ZNF433: variants seen among roughly 807,000 people sequenced by gnomAD.
The protein encoded by ZNF433 is zinc finger protein 433.
In ZNF433, 12 loss-of-function variants were observed where a neutral mutation model predicts 10.6. The observed-to-expected ratio is 1.13, with a 90% CI of 0.72 to 1.83. The LOEUF is 1.83. ZNF433 is among the 40% of genes most tolerant of loss of function. The pLI is 0.00. For synonymous variants in ZNF433, 272 were observed against 271.3 expected, an observed-to-expected ratio of 1.00 and a Z score of -0.02; for missense variants, 737 against 798.0, an observed-to-expected ratio of 0.92 and a Z score of 0.92.
chr19:12,035,660 G>C lies in ZNF433; in HGVS notation c.-121C>G. The C allele has an allele frequency of 7.2e-7, 1 of 1,389,252 alleles. No individual in the cohort carries two copies. 86.1% of individuals were successfully genotyped at this position (1,389,252 alleles called of 1,614,324 possible). A position where few individuals can be genotyped will look rare whatever the true frequency, so the allele number is the denominator to read the frequency against. The stretch of plus-strand genomic sequence containing the variant: ...GCCAGGCTCCCAACCTCAGCTCGCC[G>C]CCTGGAGCCGGGAACCGAGGAGAGC... On this transcript the variant is annotated 5_prime_UTR_variant, in exon 1 of 4. Coordinates refer to ENST00000550507, the MANE Select transcript of ZNF433 (RefSeq NM_001308348.2).
At chr19:12,032,455 T>C (rs1975080812) in intron 1 of ZNF433, among the ~76,000 whole-genome samples, 1 of 151,576 alleles carries the variant, frequency 6.6e-6, no homozygotes, top group African/African-American at 2.4e-5. Context: ...AAAAAACATA[T>C]TAAGAAATGG....
At chr19:12,019,932 TAATA>T (rs148419899) in intron 1 of ZNF433, among the ~76,000 whole-genome samples, 2,934 of 152,192 alleles carry the variant, frequency 0.019, 82 homozygotes, top group African/African-American at 0.058. Flanking sequence ...TAATTAAAAA[TAATA>T]AATCACAGTA....
chr19:12,032,809 G>A (rs986359347), intron 1 of ZNF433, among the ~76,000 whole-genome samples: 9 of 152,036 alleles, frequency 5.9e-5, no homozygotes, highest in African/African-American at 2.2e-4. Context: ...ACCTCTTTCT[G>A]GCCTGTGTGT....
chr19:12,018,352 T>C, intron 1 of ZNF433, 60 bp from the exon 2 acceptor site: 2 of 1,553,392 alleles, frequency 1.3e-6, no homozygotes, highest in African/African-American at 1.4e-5. Flanking sequence ...GGGAAGCCTA[T>C]ACTCTATTCC....
At chr19:12,021,238 C>T (rs1261702069) in intron 1 of ZNF433, among the ~76,000 whole-genome samples, 2 of 152,128 alleles carry the variant, frequency 1.3e-5, no homozygotes, top group Non-Finnish European at 2.9e-5. Context: ...ACCTCAGCCT[C>T]CCAAAGTGCT....
Position 12,017,885 on chromosome 19 carries a change from C to A in ZNF433, c.182G>T (p.Arg61Ile). 3 of 1,586,700 alleles carry A rather than the reference C, an allele frequency of 1.9e-6. No individual in the cohort carries two copies. Among genetic ancestry groups the A allele is most frequent in the East Asian group, 4.6e-5 (2 of 43,936 alleles). The stretch of plus-strand genomic sequence containing the variant: ...TGTGAGTGCAAGTTACCTTAGGTTT[C>A]TCCTTAGATTTTCGTACTCTACATA... ...NIYVEYENLR[R>I]NLRIVGERLF... is the part of the protein sequence containing the mutation. Residue 61 changes from arginine (R) to isoleucine (I), a missense_variant, in exon 3 of 4, where the codon AGA becomes ATA. Transcript: ENST00000550507.
At chr19:12,029,241 G>C (rs1974884841) in intron 1 of ZNF433, among the ~76,000 whole-genome samples, 1 of 152,140 alleles carries the variant, frequency 6.6e-6, no homozygotes, top group Non-Finnish European at 1.5e-5. Context: ...GCCAGCATAA[G>C]CTGGGTGTGG....
intron 1 of ZNF433, among the ~76,000 whole-genome samples, chr19:12,033,527 A>G (rs1462252027): frequency 6.6e-6 from 1 of 151,236 alleles, no homozygotes; most frequent in Non-Finnish European, 1.5e-5. Context: ...TCAAAAAAAC[A>G]AAAACAAAAA....
At position 12,015,623 on chromosome 19, in the gene ZNF433, G is replaced by A. The variant is rs372568825; in HGVS notation, c.1235C>T (p.Thr412Ile). 1 of 1,613,970 alleles carries A rather than the reference G, an allele frequency of 6.2e-7. No homozygotes were observed. The highest frequency in any genetic ancestry group is 8.5e-7 in the Non-Finnish European group (1 of 1,179,994). The change falls in exon 4 of 4, where the codon ACT (threonine) becomes ATT (isoleucine). Residue 412 changes from threonine (T) to isoleucine (I), a missense_variant. Physicochemically the swap from Thr to Ile is moderately conservative, Grantham distance 89. Coordinates refer to ENST00000550507, the MANE Select transcript of ZNF433 (RefSeq NM_001308348.2). The stretch of plus-strand genomic sequence containing the variant: ...CTCGTAAGGTTTCTCTCCAGTGTGA[G>A]TTCTTTCATGATATCGGAAGGAACT... The part of the protein sequence containing the change: ...SSSSFRYHER[T>I]HTGEKPYECK...
chr19:12,015,835 C>G lies in ZNF433; in HGVS notation c.1023G>C (p.Gly341=). 6.2e-7 allele frequency: 1 copy of G among 1,614,122 alleles called. No individual in the cohort carries two copies. The highest frequency in any genetic ancestry group is 8.5e-7 in the Non-Finnish European group (1 of 1,180,028). Residue 341 remains glycine, a synonymous_variant, in exon 4 of 4, where the codon GGG becomes GGC. Coordinates refer to ENST00000550507, the MANE Select transcript of ZNF433 (RefSeq NM_001308348.2). ...RKKPYECKHC[G]KVLSYLTSFQ... is the part of the protein sequence containing the mutation. ...AGCTGGTAAGATAAGATAATACTTT[C>G]CCACAATGTTTACATTCATAGGGTT...
In ZNF433 at chr19:12,015,301, T is replaced by G. The variant is rs371226977; in HGVS notation, c.1557A>C (p.Arg519=). 3 of 1,613,796 alleles carry G rather than the reference T, an allele frequency of 1.9e-6. No individual in the cohort carries two copies. In the African/African-American group the frequency reaches 4.0e-5, roughly 22 times the overall value. ...GRSFNCSSSF[R]YHGRTHTGEK... ...CTCCAGTGTGAGTCCTTCCATGATA[T>G]CGAAAGGAGCTCGAACAGTTGAAGG... is the stretch of plus-strand genomic sequence containing the variant. The change falls in exon 4 of 4, where the codon CGA becomes CGC. Residue 519 remains arginine (R), a synonymous_variant. Coordinates refer to ENST00000550507, the MANE Select transcript of ZNF433 (RefSeq NM_001308348.2).
chr19:12,033,042 T>A (rs1322266826), intron 1 of ZNF433, among the ~76,000 whole-genome samples: 1 of 152,064 alleles, frequency 6.6e-6, no homozygotes, highest in African/African-American at 2.4e-5. Flanking sequence ...GAGTGACTAT[T>A]TTCCAACAAC....
intron 2 of ZNF433, 28 bp downstream of exon 2, chr19:12,018,138 C>T: frequency 6.5e-7 from 1 of 1,539,558 alleles, no homozygotes; most frequent in South Asian, 1.3e-5. Flanking sequence ...GTCTCATTTA[C>T]TGAAGGAAGT....
In ZNF433 at chr19:12,016,290, G is replaced by C; in HGVS notation, c.568C>G (p.Arg190Gly). Reference sequence around the variant, plus strand: ...TTACACTTATAAGGTCCATCTCCACGGTGCATTATCCTGTGTCTTTGAAGG... The same window carrying C: ...TTACACTTATAAGGTCCATCTCCACCGTGCATTATCCTGTGTCTTTGAAGG... ...SNLQRHRIMH[R>G]GDGPYKCKFC... The change falls in exon 4 of 4, where the codon CGT (arginine) becomes GGT (glycine). Residue 190 changes from arginine (R) to glycine (G), a missense_variant. Arg to Gly is a moderately radical substitution (Grantham distance 125). Transcript: ENST00000550507. 6.2e-7 allele frequency: 1 copy of C among 1,614,146 alleles called. No homozygotes were observed.
intron 1 of ZNF433, among the ~76,000 whole-genome samples, chr19:12,035,069 G>A (rs1975216801): frequency 6.6e-6 from 1 of 152,140 alleles, no homozygotes; most frequent in Non-Finnish European, 1.5e-5. Context: ...GAATCTCAAA[G>A]GAACTCTAAT....
chr19:12,015,983 T>C lies in ZNF433; in HGVS notation c.875A>G (p.His292Arg), dbSNP rs1351304248. ...KQCGKAFSSS[H>R]SFQIHERTHT... ...AGTTCTTTCATGTATTTGAAAGGAA[T>C]GGGAAGAGCTGAAGGCTTTCCCACA... The change falls in exon 4 of 4, where the codon CAT (histidine) becomes CGT (arginine). Residue 292 changes from histidine to arginine, a missense_variant. Physicochemically the swap from His to Arg is conservative, Grantham distance 29. Coordinates refer to ENST00000550507, the MANE Select transcript of ZNF433 (RefSeq NM_001308348.2). 2 of 1,613,588 alleles carry C rather than the reference T, an allele frequency of 1.2e-6. No individual in the cohort carries two copies. The highest frequency in any genetic ancestry group is 2.7e-5 in the African/African-American group (2 of 74,888).
rs1048241354 is a variant in ZNF433 at position 12,035,573 on chromosome 19, C to A, written c.-34G>T. 1 of 1,563,010 alleles carries A rather than the reference C, an allele frequency of 6.4e-7. No homozygotes were observed. The highest frequency in any genetic ancestry group is 8.7e-7 in the Non-Finnish European group (1 of 1,154,000). On this transcript the variant is annotated 5_prime_UTR_variant, in exon 1 of 4. Coordinates refer to ENST00000550507, the MANE Select transcript of ZNF433 (RefSeq NM_001308348.2). ...TTTCAGGTGACTCCCACGACCAGTG[C>A]GGGTCACAGCACAGGCGACAGAAGC...
rs772736024 is a variant in ZNF433, at chr19:12,015,439, C to T, written c.1419G>A (p.Lys473=). ...TCCCATAACCCTTACATTCATACGG[C>T]TTCTCTTCTCTGTGCATCCTTTCAT... ...QIHERMHREE[K]PYECKGYGKT... is the part of the protein sequence containing the mutation. The change falls in exon 4 of 4, where the codon AAG becomes AAA. Residue 473 remains lysine (K), a synonymous_variant. Transcript: ENST00000550507. The T allele has an allele frequency of 6.2e-7, 1 of 1,613,916 alleles. No homozygotes were observed. Among genetic ancestry groups the T allele is most frequent in the Non-Finnish European group, 8.5e-7 (1 of 1,179,918 alleles).
chr19:12,017,305 C>A (rs527624543), intron 3 of ZNF433, among the ~76,000 whole-genome samples: 1 of 151,196 alleles, frequency 6.6e-6, no homozygotes, highest in African/African-American at 2.4e-5. Flanking sequence ...TGGGTTCAAG[C>A]GATTCTCCTG....
Sources: gnomAD v4.1 joint callset for allele counts (sites outside exome capture counted in the v4.1 genomes callset) on GRCh38, gnomAD v4.1.1 for gene constraint, MANE v1.5 for transcripts, NCBI Gene and HGNC (gene_info 2026-07-23, HGNC 2026-07-21) for gene names.